FAM184A: variants seen among roughly 807,000 people sequenced by gnomAD.
The protein encoded by FAM184A is family with sequence similarity 184 member A.
In FAM184A, 99 loss-of-function variants were observed where a neutral mutation model predicts 143.8. The ratio of observed to expected loss-of-function variants is 0.69; its 90% confidence interval spans 0.58 to 0.81. The LOEUF (loss-of-function observed/expected upper bound fraction) is 0.81, where lower values mean the gene tolerates loss of function less well. Ranked by LOEUF, FAM184A falls within the 40% of genes least tolerant of loss-of-function variation. FAM184A has a pLI of 0.00. For missense variants in FAM184A, 1,217 were observed against 1,310.5 expected (o/e 0.93, Z 1.10); for synonymous variants, 427 against 446.4 (o/e 0.96, Z 0.55).
chr6:119,042,604 C>G (rs966576424), intron 1 of FAM184A, among the ~76,000 whole-genome samples: 3 of 152,144 alleles, frequency 2.0e-5, no homozygotes, highest in Non-Finnish European at 4.4e-5. Context: ...AACAAGAGCA[C>G]AGAGGATTTT....
chr6:119,136,675 C>T (rs1222452079), intron 1 of FAM184A, among the ~76,000 whole-genome samples: 1 of 152,158 alleles, frequency 6.6e-6, no homozygotes, highest in Non-Finnish European at 1.5e-5. Context: ...ACTTGTCGGG[C>T]AGTATTTGTT....
chr6:119,096,032 C>A (rs755083414), intron 1 of FAM184A, among the ~76,000 whole-genome samples: 1 of 152,122 alleles, frequency 6.6e-6, no homozygotes, highest in Non-Finnish European at 1.5e-5. Context: ...GAGCCTATCT[C>A]ATTCCACCTC....
intron 6 of FAM184A, among the ~76,000 whole-genome samples, chr6:119,006,814 T>C (rs946381684): frequency 7.9e-5 from 12 of 152,228 alleles, no homozygotes; most frequent in Admixed American, 5.2e-4. Context: ...ATCTTCTTTT[T>C]TCATGACAAC....
At chr6:119,005,312 A>G (rs1421206021) in intron 7 of FAM184A, 1 of 152,218 alleles carries the variant, frequency 6.6e-6, no homozygotes, top group Non-Finnish European at 1.5e-5. Flanking sequence ...GAAGTAATTT[A>G]TTGTCACATA....
intron 9 of FAM184A, among the ~76,000 whole-genome samples, chr6:118,993,576 T>C (rs1030729928): frequency 2.6e-5 from 4 of 152,154 alleles, no homozygotes; most frequent in Admixed American, 2.6e-4. Context: ...TGGCACAGGG[T>C]AAATGATTAA....
Position 118,961,939 on chromosome 6 carries a change from G to T in FAM184A, c.3163C>A (p.Pro1055Thr), listed in dbSNP as rs1212252742. 3 of 1,613,758 alleles carry T rather than the reference G, an allele frequency of 1.9e-6. No individual in the cohort carries two copies. The African/African-American group carries it at 4.0e-5, about 22-fold the overall frequency. ...GGAACACTCACAAACCTGTTTGTTG[G>T]TGATTTATCATTCTTCTTCTTTTGC... Reference protein sequence around the residue: ...AKQKKKNDKSPTNRFVSVPNL... With the variant: ...AKQKKKNDKSTTNRFVSVPNL... The change falls in exon 17 of 18, where the codon CCA becomes ACA. Residue 1055 changes from proline (P) to threonine (T), a missense_variant. Pro to Thr is a conservative substitution (Grantham distance 38). Transcript: ENST00000338891.
chr6:119,074,845 T>C (rs1227981586), intron 1 of FAM184A, among the ~76,000 whole-genome samples: 2 of 152,348 alleles, frequency 1.3e-5, no homozygotes, highest in East Asian at 3.9e-4. Context: ...GACCCAAATA[T>C]GCTAGACTTC....
At chr6:118,971,514 G>C (rs1783696130) in intron 14 of FAM184A, among the ~76,000 whole-genome samples, 1 of 151,788 alleles carries the variant, frequency 6.6e-6, no homozygotes, top group South Asian at 2.1e-4. Flanking sequence ...CATTTAGCTT[G>C]AACTTTCTTT....
intron 4 of FAM184A, among the ~76,000 whole-genome samples, chr6:119,017,275 G>C (rs983797141): frequency 2.6e-5 from 4 of 152,194 alleles, no homozygotes; most frequent in Non-Finnish European, 5.9e-5. Flanking sequence ...GAGGCGGGTG[G>C]ATCACGAGGT....
chr6:119,119,950 G>T (rs1214047602), intron 1 of FAM184A, among the ~76,000 whole-genome samples: 1 of 152,206 alleles, frequency 6.6e-6, no homozygotes, highest in Non-Finnish European at 1.5e-5. Flanking sequence ...TGCCGCTGCA[G>T]CACAGCATGG....
At position 119,078,414 on chromosome 6, in the gene FAM184A, C is replaced by A; in HGVS notation, c.-115G>T. 9.0e-7 allele frequency: 1 copy of A among 1,107,236 alleles called. No individual in the cohort carries two copies. The highest frequency in any genetic ancestry group is 3.2e-5 in the East Asian group (1 of 31,064). 68.6% of individuals were successfully genotyped at this position (1,107,236 alleles called of 1,614,324 possible). On this transcript the variant is annotated 5_prime_UTR_variant, in exon 1 of 18. Transcript: ENST00000338891. The surrounding 1 kb of genome is among the most constrained non-coding windows in gnomAD (Gnocchi z 5.5). ...GGCCGCTTCCCGACCCGACACCCGGCGCCCCCCAGACTCGGCCGCAGGCGC... is the reference window on the plus strand; with the variant it reads ...GGCCGCTTCCCGACCCGACACCCGGAGCCCCCCAGACTCGGCCGCAGGCGC...
At chr6:119,066,608 T>C (rs908368396) in intron 1 of FAM184A, among the ~76,000 whole-genome samples, 12 of 152,302 alleles carry the variant, frequency 7.9e-5, no homozygotes, top group Middle Eastern at 3.4e-3. Flanking sequence ...TGACTCAGGA[T>C]TGAAGGTTAA....
chr6:119,067,757 C>G (rs1003086050), intron 1 of FAM184A, among the ~76,000 whole-genome samples: 8 of 152,132 alleles, frequency 5.3e-5, no homozygotes, highest in African/African-American at 1.9e-4. Context: ...TTATTTGCTG[C>G]TCAACCTTTA....
At chr6:118,968,214 T>C (rs193098254) in intron 14 of FAM184A, among the ~76,000 whole-genome samples, 301 of 152,256 alleles carry the variant, frequency 2.0e-3, no homozygotes, top group Non-Finnish European at 3.4e-3. Context: ...ATTTAAAGAA[T>C]TGTCTTCGGG....
chr6:119,091,464 T>C (rs1788365241), intron 1 of FAM184A, among the ~76,000 whole-genome samples: 1 of 152,208 alleles, frequency 6.6e-6, no homozygotes, highest in Admixed American at 6.5e-5. Flanking sequence ...CAACATTTTA[T>C]CAGTTCAGCA....
intron 1 of FAM184A, among the ~76,000 whole-genome samples, chr6:119,048,358 C>T (rs1473664897): frequency 1.3e-5 from 2 of 152,136 alleles, no homozygotes; most frequent in Non-Finnish European, 2.9e-5. Context: ...TTATTCAACA[C>T]AGAATTGGAA....
chr6:119,090,872 A>G (rs1442986411), intron 1 of FAM184A, among the ~76,000 whole-genome samples: 2 of 152,220 alleles, frequency 1.3e-5, no homozygotes, highest in Non-Finnish European at 2.9e-5. Flanking sequence ...TGAGGCTGCT[A>G]TAATTTTTCA....
rs777576260 is a variant in FAM184A, at chr6:118,974,568, A to C, written c.2775T>G (p.His925Gln). The C allele has an allele frequency of 6.1e-5, 97 of 1,594,774 alleles. No homozygotes were observed. Among genetic ancestry groups the C allele is most frequent in the Non-Finnish European group, 7.4e-5 (87 of 1,172,750 alleles). ...RSESNQQIRL[H>Q]EQDLNKRLEK... ...CAAGTCTCTTGTTTAAATCTTGTTC[A>C]TGCAACCTGTTTGATTTATTTTTAG... The change falls in exon 14 of 18, where the codon CAT becomes CAG. Residue 925 changes from histidine to glutamine, a missense_variant. His to Gln is a conservative substitution (Grantham distance 24). Transcript: ENST00000338891.
At chr6:119,002,084 C>T (rs1264257541) in intron 9 of FAM184A, among the ~76,000 whole-genome samples, 1 of 152,106 alleles carries the variant, frequency 6.6e-6, no homozygotes, top group African/African-American at 2.4e-5. Flanking sequence ...TCTTGAAAGA[C>T]ACTGCATGTA....
Sources: allele counts gnomAD v4.1 joint callset (sites outside exome capture counted in the v4.1 genomes callset), GRCh38; gene constraint gnomAD v4.1.1; non-coding constraint Gnocchi (gnomAD v3.1); transcripts MANE v1.5; gene names NCBI Gene and HGNC (gene_info 2026-07-23, HGNC 2026-07-21).